Variants in CNNM2 observed in about 807,000 individuals in gnomAD.
CNNM2 encodes the protein metal transporter CNNM2.
CNNM2 carries 12 observed loss-of-function variants against 66.9 expected under a neutral mutation model. The observed-to-expected ratio is 0.18, with a 90% CI of 0.11 to 0.29. CNNM2 has a LOEUF of 0.29. Among genes scored for constraint, CNNM2 ranks in the 10% least tolerant of loss-of-function variants. The pLI is 1.00. For synonymous variants in CNNM2, 557 were observed against 501.8 expected (o/e 1.11, Z -1.47); for missense variants, 705 against 1,167.7 (o/e 0.60, Z 5.77).
In CNNM2 at chr10:103,067,177, C is replaced by A. The variant is rs867054586; in HGVS notation, c.2074-1452C>A. On this transcript the variant is annotated intron_variant, in intron 4 of 7. Transcript: ENST00000369878. ...GCAGTGGCGTGATCATGGCTCACTGCCTCACAGGTTCAAGTAATCCTCCCA... is the reference window on the plus strand; with the variant it reads ...GCAGTGGCGTGATCATGGCTCACTGACTCACAGGTTCAAGTAATCCTCCCA... 5.7e-4 allele frequency among the ~76,000 whole-genome samples: 87 copies of A among 151,440 alleles called. 1 individual carries two copies. In the Middle Eastern group the frequency reaches 0.034, roughly 59 times the overall value.
chr10:103,046,596 A>G (rs2065130849), intron 1 of CNNM2, among the ~76,000 whole-genome samples: 1 of 152,220 alleles, frequency 6.6e-6, no homozygotes, highest in South Asian at 2.1e-4. Context: ...ACATTGGTTG[A>G]TTTAAAGGAC....
intron 1 of CNNM2, among the ~76,000 whole-genome samples, chr10:102,997,994 T>C (rs890020436): frequency 6.6e-6 from 1 of 152,152 alleles, no homozygotes; most frequent in Non-Finnish European, 1.5e-5. Context: ...ATACACACCA[T>C]ATTTATGGCT....
intron 6 of CNNM2, among the ~76,000 whole-genome samples, chr10:103,072,414 T>C (rs557478469): frequency 4.7e-5 from 7 of 149,436 alleles, no homozygotes; most frequent in African/African-American, 7.4e-5. Context: ...CAGGCGGCCC[T>C]ACTTCTCCCC....
In CNNM2 at chr10:102,920,192, A is replaced by C. The variant is rs1015623300; in HGVS notation, c.1621+91A>C. 6.3e-5 allele frequency: 102 copies of C among 1,609,904 alleles called. 1 individual carries two copies. Among genetic ancestry groups the C allele is most frequent in the Non-Finnish European group, 6.4e-5 (76 of 1,179,424 alleles). On this transcript the variant is annotated intron_variant, in intron 1 of 7. Coordinates refer to ENST00000369878, the MANE Select transcript of CNNM2 (RefSeq NM_017649.5). ...CCTCTACCCTCAGACCAACCCCCCA[A>C]GGCGAGTTGACCGGGATTTCTCCTT...
chr10:103,028,828 C>CTTTCT (rs2064763378), intron 1 of CNNM2, among the ~76,000 whole-genome samples: 1 of 99,184 alleles, frequency 1.0e-5, no homozygotes, highest in African/African-American at 3.8e-5. Context: ...TTTTTTTTTT[C>CTTTCT]TTTTTTTTTT....
chr10:102,966,465 C>T (rs1437680293), intron 1 of CNNM2, among the ~76,000 whole-genome samples: 2 of 152,140 alleles, frequency 1.3e-5, no homozygotes, highest in Admixed American at 1.3e-4. Context: ...CCCATCTCTA[C>T]TAAATATACA....
rs543387121 is a variant in CNNM2, at chr10:102,932,191, C to G, written c.1621+12090C>G. Among the ~76,000 whole-genome samples the G allele has an allele frequency of 4.6e-5, 7 of 151,640 alleles. No homozygotes were observed. The South Asian group carries it at 1.5e-3, about 32-fold the overall frequency. On this transcript the variant is annotated intron_variant, in intron 1 of 7. Transcript: ENST00000369878. ...AAAAAGGTTTTAATTTTGATTGAGT[C>G]CAACTTGTCTTTTTTTCCTTTTTTT...
intron 1 of CNNM2, among the ~76,000 whole-genome samples, chr10:102,983,965 G>A (rs545757793): frequency 1.1e-4 from 16 of 150,286 alleles, no homozygotes; most frequent in Admixed American, 2.0e-4. Context: ...GGGTTTGATC[G>A]GGCTGGTCTC....
At chr10:102,957,933 T>G (rs1255377801) in intron 1 of CNNM2, among the ~76,000 whole-genome samples, 1 of 152,124 alleles carries the variant, frequency 6.6e-6, no homozygotes. Context: ...TTTCAGAAGC[T>G]CTACTTTTTC....
chr10:102,929,374 T>C (rs1413912914), intron 1 of CNNM2, among the ~76,000 whole-genome samples: 3 of 152,024 alleles, frequency 2.0e-5, no homozygotes, highest in Non-Finnish European at 4.4e-5. Flanking sequence ...ATCTAGGAGT[T>C]TGAGGCTGCA....
At chr10:103,036,886 G>T (rs140632581) in intron 1 of CNNM2, among the ~76,000 whole-genome samples, 1 of 152,248 alleles carries the variant, frequency 6.6e-6, no homozygotes, top group Non-Finnish European at 1.5e-5. Flanking sequence ...TAGTTTGTGG[G>T]TATGGCTATA....
At position 103,003,902 on chromosome 10, in the gene CNNM2, T is replaced by A. The variant is rs535317319; in HGVS notation, c.1622-45805T>A. 1.8e-4 allele frequency among the ~76,000 whole-genome samples: 28 copies of A among 152,114 alleles called. No individual in the cohort carries two copies. The South Asian group carries it at 5.8e-3, about 32-fold the overall frequency. Reference sequence around the variant, plus strand: ...ACATACAAGGTGTATTCTTCTGATATGATTTCTTTTACACAGCATTATATT... The same window carrying A: ...ACATACAAGGTGTATTCTTCTGATAAGATTTCTTTTACACAGCATTATATT... On this transcript the variant is annotated intron_variant, in intron 1 of 7. Transcript: ENST00000369878.
chr10:103,018,936 G>A (rs1015758753), intron 1 of CNNM2, among the ~76,000 whole-genome samples: 11 of 149,482 alleles, frequency 7.4e-5, no homozygotes, highest in African/African-American at 2.4e-4. Context: ...GATTACAGGC[G>A]TGAGCCGCTG....
intron 1 of CNNM2, among the ~76,000 whole-genome samples, chr10:102,995,513 CTCTT>C (rs2063980838): frequency 6.6e-6 from 1 of 151,544 alleles, no homozygotes; most frequent in South Asian, 2.1e-4. Flanking sequence ...CCTGTCCTTT[CTCTT>C]TCTTGCTAAC....
At chr10:102,968,119 A>G (rs1269334904) in intron 1 of CNNM2, among the ~76,000 whole-genome samples, 4 of 152,314 alleles carry the variant, frequency 2.6e-5, no homozygotes, top group African/African-American at 9.6e-5. Context: ...GTAAGAATAT[A>G]TATATATTTT....
At chr10:103,062,222 A>G (rs1363004703) in intron 4 of CNNM2, among the ~76,000 whole-genome samples, 1 of 152,220 alleles carries the variant, frequency 6.6e-6, no homozygotes, top group Non-Finnish European at 1.5e-5. Flanking sequence ...AGCATCTGAC[A>G]TGGATTCAAA....
intron 1 of CNNM2, among the ~76,000 whole-genome samples, chr10:103,001,094 T>C (rs1025501395): frequency 5.3e-5 from 8 of 152,116 alleles, no homozygotes; most frequent in African/African-American, 1.9e-4. Context: ...AAAAAGACAA[T>C]TACTATATGA....
chr10:102,970,206 C>G (rs2063528045), intron 1 of CNNM2, among the ~76,000 whole-genome samples: 1 of 152,118 alleles, frequency 6.6e-6, no homozygotes, highest in Non-Finnish European at 1.5e-5. Flanking sequence ...GTCCCAGCTA[C>G]TTGGGAGGTT....
intron 5 of CNNM2, among the ~76,000 whole-genome samples, chr10:103,070,698 G>T (rs2065563352): frequency 6.6e-6 from 1 of 152,196 alleles, no homozygotes; most frequent in African/African-American, 2.4e-5. Flanking sequence ...TGCTAAAAAG[G>T]AAGGGGAAAT....
Sources: gnomAD v4.1 joint callset for allele counts (sites outside exome capture counted in the v4.1 genomes callset) on GRCh38, gnomAD v4.1.1 for gene constraint, MANE v1.5 for transcripts, NCBI Gene and HGNC (gene_info 2026-07-23, HGNC 2026-07-21) for gene names.